EXT1: variants seen among roughly 807,000 people sequenced by gnomAD.
EXT1 encodes exostosin-1.
In EXT1, 20 loss-of-function variants were observed where a neutral mutation model predicts 82.5. That is an observed-to-expected ratio of 0.24 (90% confidence interval 0.17 to 0.35). EXT1 has a LOEUF of 0.35. Ranked by LOEUF, EXT1 falls within the 10% of genes least tolerant of loss-of-function variation. The probability of loss-of-function intolerance (pLI) is 1.00; values close to 1 mark genes in which losing one functional copy is unlikely to be tolerated. For missense variants in EXT1, 757 were observed against 936.5 expected, an observed-to-expected ratio of 0.81 and a Z score of 2.50; for synonymous variants, 348 against 350.8, an observed-to-expected ratio of 0.99 and a Z score of 0.09.
intron 1 of EXT1, among the ~76,000 whole-genome samples, chr8:117,916,042 A>G (rs1328131014): frequency 1.3e-5 from 2 of 151,760 alleles, no homozygotes; most frequent in East Asian, 3.9e-4. Flanking sequence ...TTTGATAGAA[A>G]CTGCTTTTTT....
chr8:117,953,926 A>G (rs1356786637), intron 1 of EXT1, among the ~76,000 whole-genome samples: 3 of 152,114 alleles, frequency 2.0e-5, no homozygotes, highest in Middle Eastern at 3.2e-3. Flanking sequence ...AACAGAAAAA[A>G]TAAAAATAAA....
intron 4 of EXT1, among the ~76,000 whole-genome samples, chr8:117,825,765 T>G (rs931158417): frequency 4.6e-5 from 7 of 152,194 alleles, no homozygotes; most frequent in Admixed American, 4.6e-4. Context: ...ATTACCCCAT[T>G]GATTTTTAAA....
At chr8:117,899,042 AT>A in intron 1 of EXT1, among the ~76,000 whole-genome samples, 1 of 152,344 alleles carries the variant, frequency 6.6e-6, no homozygotes, top group Non-Finnish European at 1.5e-5. Flanking sequence ...AAAGAAAAAA[AT>A]AAATGAAAGC....
At chr8:117,942,977 C>A (rs1276852410) in intron 1 of EXT1, among the ~76,000 whole-genome samples, 1 of 152,182 alleles carries the variant, frequency 6.6e-6, no homozygotes, top group Admixed American at 6.5e-5. Flanking sequence ...TAGAAACTCT[C>A]AAACGTCTTT....
chr8:117,933,248 T>G (rs967172195), intron 1 of EXT1, among the ~76,000 whole-genome samples: 159 of 151,526 alleles, frequency 1.0e-3, no homozygotes, highest in Non-Finnish European at 1.8e-3. Flanking sequence ...TTTTTTTTTT[T>G]TTTTTTTGGT....
intron 1 of EXT1, among the ~76,000 whole-genome samples, chr8:118,031,869 A>G (rs970319995): frequency 1.3e-5 from 2 of 152,058 alleles, no homozygotes; most frequent in African/African-American, 2.4e-5. Flanking sequence ...TTACAAGCCA[A>G]TGTCAGATTG....
intron 1 of EXT1, among the ~76,000 whole-genome samples, chr8:117,905,810 C>A (rs1171111323): frequency 1.3e-5 from 2 of 151,888 alleles, no homozygotes; most frequent in Admixed American, 6.6e-5. Context: ...GACTCCGTCT[C>A]AAAAAAACAA....
chr8:117,933,928 C>T (rs766662831), intron 1 of EXT1, among the ~76,000 whole-genome samples: 5 of 152,084 alleles, frequency 3.3e-5, no homozygotes, highest in Admixed American at 6.6e-5. Flanking sequence ...CGTGAAGATG[C>T]CCTCTTCACA....
In EXT1 at chr8:117,797,581, A is replaced by C. The variant is rs1823104366; in HGVS notation, c.*2131T>G. Reference sequence around the variant, plus strand: ...TTTATTTTTTGGTAAAGGAGAAACAAGAATAATTTGCCAATCCTGAAAAAA... The same window carrying C: ...TTTATTTTTTGGTAAAGGAGAAACACGAATAATTTGCCAATCCTGAAAAAA... On this transcript the variant is annotated 3_prime_UTR_variant, in exon 11 of 11. Coordinates refer to ENST00000378204, the MANE Select transcript of EXT1 (RefSeq NM_000127.3). 1 of 152,218 alleles carries C rather than the reference A, an allele frequency of 6.6e-6. No individual in the cohort carries two copies. The highest frequency in any genetic ancestry group is 1.5e-5 in the Non-Finnish European group (1 of 68,048). 9.4% of individuals were successfully genotyped at this position (152,218 alleles called of 1,614,324 possible). A position where few individuals can be genotyped will look rare whatever the true frequency, so the allele number is the denominator to read the frequency against.
rs1563587118 is a variant in EXT1 at position 117,873,451 on chromosome 8, T to TGC, written c.963-36251_963-36250insGC. Among the ~76,000 whole-genome samples the TGC allele has an allele frequency of 3.5e-5, 5 of 142,446 alleles. No individual in the cohort carries two copies. The East Asian group carries it at 1.0e-3, about 29-fold the overall frequency. The allele number at this position is 142,446 out of a possible 152,430, so 93.5% of individuals were successfully genotyped here. ...AAGACCAATGTTGTCCTGTGACTTT[T>TGC]TTTTTTTTTTTTTTTTTTTTTTGAG... On this transcript the variant is annotated intron_variant, in intron 1 of 10. Transcript: ENST00000378204.
chr8:117,972,837 AACTC>A (rs1814970252), intron 1 of EXT1, among the ~76,000 whole-genome samples: 1 of 152,130 alleles, frequency 6.6e-6, no homozygotes, highest in Non-Finnish European at 1.5e-5. Context: ...ATCTCATGAG[AACTC>A]ACTCACTATC....
In EXT1 at chr8:118,040,008, T is replaced by C. The variant is rs142415070; in HGVS notation, c.962+70077A>G. 4.8e-3 allele frequency among the ~76,000 whole-genome samples: 729 copies of C among 152,314 alleles called. 4 individuals carry two copies. The highest frequency in any genetic ancestry group is 0.016 in the African/African-American group (673 of 41,576). The stretch of plus-strand genomic sequence containing the variant: ...CCAAAAAACATACAGTCCTGCAATG[T>C]TGAAATTGCTGTTTAATGAAGAAGC... On this transcript the variant is annotated intron_variant, in intron 1 of 10. Coordinates refer to ENST00000378204, the MANE Select transcript of EXT1 (RefSeq NM_000127.3).
intron 1 of EXT1, among the ~76,000 whole-genome samples, chr8:117,905,365 T>C (rs928056831): frequency 6.6e-6 from 1 of 152,124 alleles, no homozygotes; most frequent in South Asian, 2.1e-4. Context: ...ATCATCAAGG[T>C]CAGAGTCCAC....
Position 117,996,969 on chromosome 8 carries a change from T to C in EXT1, c.962+113116A>G, listed in dbSNP as rs1410381141. The stretch of plus-strand genomic sequence containing the variant: ...ACTTTAATTCTGGAACACTTCTCTA[T>C]AATGTTACCCAGCTCTCGCACACAA... On this transcript the variant is annotated intron_variant, in intron 1 of 10. Transcript: ENST00000378204. Among the ~76,000 whole-genome samples, 4 of 152,198 alleles carry C rather than the reference T, an allele frequency of 2.6e-5. No individual in the cohort carries two copies. The East Asian group carries it at 7.7e-4, about 29-fold the overall frequency.
intron 1 of EXT1, among the ~76,000 whole-genome samples, chr8:118,022,981 T>C (rs184196656): frequency 1.3e-5 from 2 of 152,200 alleles, no homozygotes. Flanking sequence ...GGTAGGAAAA[T>C]AGGAACAGGT....
intron 5 of EXT1, among the ~76,000 whole-genome samples, chr8:117,821,816 G>A (rs1029261667): frequency 6.6e-6 from 1 of 152,090 alleles, no homozygotes; most frequent in Admixed American, 6.6e-5. Context: ...AGCAACTGGG[G>A]GTCCAAATAC....
intron 1 of EXT1, among the ~76,000 whole-genome samples, chr8:117,923,682 T>C (rs1011531181): frequency 3.3e-5 from 5 of 150,390 alleles, no homozygotes; most frequent in Non-Finnish European, 7.4e-5. Flanking sequence ...GCCGAGATCG[T>C]GCCACTGCAC....
intron 1 of EXT1, among the ~76,000 whole-genome samples, chr8:117,878,702 A>AT: frequency 6.6e-6 from 1 of 152,244 alleles, no homozygotes; most frequent in East Asian, 1.9e-4. Flanking sequence ...AAATGCAACT[A>AT]CCTCAATGCC....
chr8:118,061,158 T>C (rs776117714), intron 1 of EXT1, among the ~76,000 whole-genome samples: 8 of 152,206 alleles, frequency 5.3e-5, no homozygotes, highest in African/African-American at 1.7e-4. Context: ...TAGGGCACCA[T>C]AGTGAAGTGA....
Sources: gnomAD v4.1 joint callset for allele counts (sites outside exome capture counted in the v4.1 genomes callset) on GRCh38, gnomAD v4.1.1 for gene constraint, MANE v1.5 for transcripts, NCBI Gene and HGNC (gene_info 2026-07-23, HGNC 2026-07-21) for gene names.